CHD5: variants seen among roughly 807,000 people sequenced by gnomAD.
CHD5 encodes chromodomain helicase DNA binding protein 5.
CHD5 carries 69 observed loss-of-function variants against 230.3 expected under a neutral mutation model. That is an observed-to-expected ratio of 0.30 (90% CI 0.25 to 0.37). CHD5 has a LOEUF of 0.37. CHD5 is among the 10% of genes least tolerant of loss of function. CHD5 has a pLI of 1.00. For missense variants in CHD5, 1,827 were observed against 2,622.8 expected, an observed-to-expected ratio of 0.70 and a Z score of 6.63; for synonymous variants, 1,064 against 1,065.9, an observed-to-expected ratio of 1.00 and a Z score of 0.03.
intron 11 of CHD5, 76 bp from the exon 12 acceptor site, chr1:6,144,231 G>C (rs756284016): frequency 1.2e-5 from 19 of 1,587,178 alleles, no homozygotes; most frequent in Non-Finnish European, 1.6e-5. Context: ...CACCTCCCAG[G>C]ATGCAGAGCC....
intron 9 of CHD5, among the ~76,000 whole-genome samples, chr1:6,147,793 C>A (rs1332281987): frequency 2.6e-5 from 4 of 152,216 alleles, no homozygotes; most frequent in African/African-American, 9.6e-5. Flanking sequence ...GCAAGGTACA[C>A]CACACAGCCA....
chr1:6,153,028 C>G (rs890062316), intron 5 of CHD5, among the ~76,000 whole-genome samples: 2 of 152,248 alleles, frequency 1.3e-5, no homozygotes, highest in African/African-American at 4.8e-5. Context: ...CAAGGGCCAG[C>G]AGGGCTGAGG....
Position 6,152,444 on chromosome 1 carries a change from C to T in CHD5, c.838G>A (p.Gly280Arg), listed in dbSNP as rs755867591. The change falls in exon 6 of 42, where the codon GGG (glycine) becomes AGG (arginine). Residue 280 changes from glycine (G) to arginine (R), a missense_variant. Gly to Arg is a moderately radical substitution (Grantham distance 125). Around this residue, in one of 14 missense-constraint regions of CHD5, gnomAD observed 657 missense variants for 816.4 expected, o/e 0.80. Transcript: ENST00000262450. ...KTAGLKFRFG[G>R]ISNKRKKGSS... Reference sequence around the variant, plus strand: ...CCTTTCTTCCTCTTGTTGCTGATCCCCCCGAAGCGGAACTTGAGCCCGGCC... The same window carrying T: ...CCTTTCTTCCTCTTGTTGCTGATCCTCCCGAAGCGGAACTTGAGCCCGGCC... The T allele has an allele frequency of 1.2e-6, 2 of 1,614,160 alleles. No homozygotes were observed. Among genetic ancestry groups the T allele is most frequent in the Non-Finnish European group, 1.7e-6 (2 of 1,180,018 alleles).
intron 2 of CHD5, among the ~76,000 whole-genome samples, chr1:6,166,847 C>T (rs1667263955): frequency 1.3e-5 from 2 of 152,302 alleles, no homozygotes; most frequent in South Asian, 4.1e-4. Flanking sequence ...CCCTCCTCTG[C>T]TCGAAGCCTT....
At chr1:6,149,986 T>C (rs1410753635) in intron 7 of CHD5, among the ~76,000 whole-genome samples, 1 of 143,780 alleles carries the variant, frequency 7.0e-6, no homozygotes, top group Non-Finnish European at 1.5e-5. Flanking sequence ...GAATGGATGA[T>C]GGATGGATGG....
Position 6,125,744 on chromosome 1 carries a change from G to A in CHD5, c.4171+22C>T, listed in dbSNP as rs1487948944. 6.2e-7 allele frequency: 1 copy of A among 1,603,874 alleles called. No homozygotes were observed. Among genetic ancestry groups the A allele is most frequent in the Non-Finnish European group, 8.5e-7 (1 of 1,170,774 alleles). Reference sequence around the variant, plus strand: ...CTGACATGGCCTCAGCAGTAGCCCAGACCACTAACACTGAGACTCACTCTG... The same window carrying A: ...CTGACATGGCCTCAGCAGTAGCCCAAACCACTAACACTGAGACTCACTCTG... On this transcript the variant is annotated intron_variant, in intron 27 of 41. Coordinates refer to ENST00000262450, the MANE Select transcript of CHD5 (RefSeq NM_015557.3). The surrounding 1 kb of genome is among the most constrained non-coding windows in gnomAD (Gnocchi z 6.7).
intron 6 of CHD5, among the ~76,000 whole-genome samples, chr1:6,151,803 C>A (rs568277337): frequency 2.0e-5 from 3 of 152,074 alleles, no homozygotes; most frequent in Non-Finnish European, 4.4e-5. Flanking sequence ...CACCGCAGGG[C>A]TGGGGTGAGG....
Position 6,178,003 on chromosome 1 carries a change from C to A in CHD5, c.79+1942G>T, listed in dbSNP as rs528810635. Among the ~76,000 whole-genome samples, 912 of 152,156 alleles carry A rather than the reference C, an allele frequency of 6.0e-3. 7 individuals are homozygous for A. The highest frequency in any genetic ancestry group is 0.02 in the African/African-American group (820 of 41,496). ...AGTGGGTAGAAGGCCCTGGAGGGGA[C>A]CGGCAGGAGGGGACAGAGGCTTGGA... is the stretch of plus-strand genomic sequence containing the variant. On this transcript the variant is annotated intron_variant, in intron 1 of 41. Coordinates refer to ENST00000262450, the MANE Select transcript of CHD5 (RefSeq NM_015557.3).
At chr1:6,179,280 C>A (rs917800896) in intron 1 of CHD5, among the ~76,000 whole-genome samples, 4 of 152,200 alleles carry the variant, frequency 2.6e-5, no homozygotes, top group African/African-American at 9.6e-5. Context: ...GGCGCTAGGT[C>A]GCGCCAGAAG....
At position 6,134,443 on chromosome 1, in the gene CHD5, A is replaced by C. The variant is rs949132482; in HGVS notation, c.3013-184T>G. Among the ~76,000 whole-genome samples the C allele has an allele frequency of 1.3e-5, 2 of 152,150 alleles. No individual in the cohort carries two copies. Among genetic ancestry groups the C allele is most frequent in the Non-Finnish European group, 2.9e-5 (2 of 67,996 alleles). ...CAGTGCGGGGTAGACCGTGGGTCCC[A>C]CGGCCCTGGCTCCAGGCCCCCCGTT... On this transcript the variant is annotated intron_variant, in intron 19 of 41. Transcript: ENST00000262450. This position sits in a 1 kb window ranked among gnomAD's most constrained non-coding sequence, Gnocchi z 6.3.
chr1:6,110,334 G>C, intron 37 of CHD5, 60 bp downstream of exon 37: 4 of 1,594,102 alleles, frequency 2.5e-6, no homozygotes, highest in Non-Finnish European at 2.6e-6. Context: ...GCCTTTGCGA[G>C]GGTCCTCCTG....
intron 38 of CHD5, among the ~76,000 whole-genome samples, chr1:6,107,895 TGGAGA>T (rs1666219674): frequency 1.2e-5 from 1 of 84,298 alleles, no homozygotes; most frequent in African/African-American, 4.9e-5. Context: ...GGTGGAAGGA[TGGAGA>T]GATGGAGGGA....
At chr1:6,147,850 G>A (rs1666935412) in intron 9 of CHD5, among the ~76,000 whole-genome samples, 1 of 152,132 alleles carries the variant, frequency 6.6e-6, no homozygotes, top group Non-Finnish European at 1.5e-5. Flanking sequence ...GGCAGAGGAG[G>A]AGGAGGAGGA....
At position 6,135,276 on chromosome 1, in the gene CHD5, C is replaced by A; in HGVS notation, c.2824G>T (p.Ala942Ser). The change falls in exon 18 of 42, where the codon GCC becomes TCC. Residue 942 changes from alanine (A) to serine (S), a missense_variant. Physicochemically the swap from Ala to Ser is moderately conservative, Grantham distance 99. Coordinates refer to ENST00000262450, the MANE Select transcript of CHD5 (RefSeq NM_015557.3). ...ACCCGGACAATGAGCTCGGTCTTGG[C>A]CGGCATGTTCTTGAACACGTCAGCC... Reference protein sequence around the residue: ...LKADVFKNMPAKTELIVRVEL... With the variant: ...LKADVFKNMPSKTELIVRVEL... 6.2e-7 allele frequency: 1 copy of A among 1,614,150 alleles called. No individual in the cohort carries two copies. Among genetic ancestry groups the A allele is most frequent in the South Asian group, 1.1e-5 (1 of 91,080 alleles).
intron 9 of CHD5, among the ~76,000 whole-genome samples, chr1:6,147,969 G>A (rs1666937452): frequency 6.6e-6 from 1 of 151,954 alleles, no homozygotes; most frequent in Admixed American, 6.6e-5. Flanking sequence ...CCTCAGGGAA[G>A]AAGCTGAGAG....
intron 2 of CHD5, among the ~76,000 whole-genome samples, chr1:6,161,958 C>G (rs1482642041): frequency 1.3e-5 from 2 of 152,208 alleles, no homozygotes; most frequent in African/African-American, 4.8e-5. Context: ...CAGTGAGTCC[C>G]GGGCTCCCCA....
Position 6,128,465 on chromosome 1 carries a change from G to A in CHD5, c.3730+34C>T, listed in dbSNP as rs745902742. On this transcript the variant is annotated intron_variant, in intron 24 of 41. Transcript: ENST00000262450. This position sits in a 1 kb window ranked among gnomAD's most constrained non-coding sequence, Gnocchi z 7.8. ...CTGCAGGAGCAGCCACCTGGTCGGAGGAGGAGCTGAGGCTGGGCTGGGTTG... is the reference window on the plus strand; with the variant it reads ...CTGCAGGAGCAGCCACCTGGTCGGAAGAGGAGCTGAGGCTGGGCTGGGTTG... The A allele has an allele frequency of 4.6e-6, 7 of 1,527,968 alleles. No homozygotes were observed. Among genetic ancestry groups the A allele is most frequent in the Non-Finnish European group, 6.3e-6 (7 of 1,103,332 alleles). 94.7% of individuals were successfully genotyped at this position (1,527,968 alleles called of 1,614,324 possible).
At chr1:6,149,170 G>GC in intron 8 of CHD5, 76 bp downstream of exon 8, 1 of 1,472,968 alleles carries the variant, frequency 6.8e-7, no homozygotes. Flanking sequence ...CCCGCATTCT[G>GC]CCCCCAAATG....
chr1:6,110,295 G>A (rs1456361298), intron 37 of CHD5, 99 bp downstream of exon 37: 1 of 1,391,264 alleles, frequency 7.2e-7, no homozygotes. Context: ...CAGGTACACG[G>A]GGAGGGGTTG....
Sources: gnomAD v4.1 joint callset for allele counts (sites outside exome capture counted in the v4.1 genomes callset) on GRCh38, gnomAD v4.1.1 for gene constraint, gnomAD v4.1.1 regional missense constraint, Gnocchi (gnomAD v3.1) non-coding constraint, MANE v1.5 for transcripts, NCBI Gene and HGNC (gene_info 2026-07-23, HGNC 2026-07-21) for gene names.